Variants in CA5A observed in about 807,000 individuals in gnomAD.
The protein encoded by CA5A is carbonic anhydrase 5A, mitochondrial.
CA5A carries 28 observed loss-of-function variants against 37.1 expected under a neutral mutation model. The observed-to-expected ratio is 0.75, with a 90% CI of 0.56 to 1.03. The LOEUF (loss-of-function observed/expected upper bound fraction) is 1.03, where lower values mean the gene tolerates loss of function less well. Ranked by LOEUF, CA5A falls within the 50% of genes least tolerant of loss-of-function variation. The pLI is 0.00. For synonymous variants in CA5A, 171 were observed against 158.4 expected (o/e 1.08, Z -0.60); for missense variants, 444 against 399.9 (o/e 1.11, Z -0.94).
intron 2 of CA5A, among the ~76,000 whole-genome samples, chr16:87,919,770 G>C (rs899740581): frequency 5.3e-5 from 8 of 152,162 alleles, no homozygotes; most frequent in African/African-American, 1.9e-4. Context: ...GAGATCCCAG[G>C]CTGCATGGAC....
At chr16:87,887,955 C>T (rs574640090), downstream of CA5A, 6 of 950,872 alleles carry the variant, frequency 6.3e-6, no homozygotes, top group African/African-American at 1.7e-5. Flanking sequence ...TTATGTTCCC[C>T]ACGGTACTTA....
At chr16:87,934,978 G>C (rs2056452012) in intron 1 of CA5A, among the ~76,000 whole-genome samples, 1 of 152,242 alleles carries the variant, frequency 6.6e-6, no homozygotes, top group African/African-American at 2.4e-5. Flanking sequence ...AGCTCACTCA[G>C]AGTCTGGGGT....
chr16:87,890,405 G>T (rs1193533575), intron 6 of CA5A, among the ~76,000 whole-genome samples: 1 of 152,126 alleles, frequency 6.6e-6, no homozygotes, highest in African/African-American at 2.4e-5. Context: ...ACAGGCCCGG[G>T]AGACTGAAAG....
Position 87,904,895 on chromosome 16 carries a change from C to A in CA5A, c.350G>T (p.Gly117Val). The change falls in exon 3 of 7, where the codon GGT becomes GTT. Residue 117 changes from glycine (G) to valine (V), a missense_variant. Coordinates refer to ENST00000649794, the MANE Select transcript of CA5A (RefSeq NM_001739.2). ...TCTGTAGTGGTTTTCCAAGGGCCCA[C>A]CACTAATTCCTGGAAATAAAGGCAG... ...DDATEASGISGGPLENHYRLK... is the reference protein window; with the variant it reads ...DDATEASGISVGPLENHYRLK... 1 of 1,606,806 alleles carries A rather than the reference C, an allele frequency of 6.2e-7. No homozygotes were observed. The highest frequency in any genetic ancestry group is 8.5e-7 in the Non-Finnish European group (1 of 1,173,300).
chr16:87,897,672 G>A (rs1481175759), intron 5 of CA5A, among the ~76,000 whole-genome samples: 1 of 152,216 alleles, frequency 6.6e-6, no homozygotes, highest in Admixed American at 6.5e-5. Flanking sequence ...GGAGGTGGGC[G>A]CCAGGATGAC....
chr16:87,904,600 CT>C (rs1878358853), intron 3 of CA5A, among the ~76,000 whole-genome samples, 185 bp downstream of exon 3: 1 of 152,216 alleles, frequency 6.6e-6, no homozygotes, highest in Non-Finnish European at 1.5e-5. Flanking sequence ...CTTACAGCGC[CT>C]TCCTCGTAGG....
Position 87,911,933 on chromosome 16 carries a change from C to T in CA5A, c.341-7029G>A, listed in dbSNP as rs975730156. On this transcript the variant is annotated intron_variant, in intron 2 of 6. Transcript: ENST00000649794. This position sits in a 1 kb window ranked among gnomAD's most constrained non-coding sequence, Gnocchi z 4.6. ...CTTACAAAGTACCTCCCTCACAGTC[C>T]CTGGCACGCAGTGAGAGCTCAAATA... is the stretch of plus-strand genomic sequence containing the variant. 2.0e-5 allele frequency among the ~76,000 whole-genome samples: 3 copies of T among 152,268 alleles called. No homozygotes were observed. The highest frequency in any genetic ancestry group is 7.2e-5 in the African/African-American group (3 of 41,552).
chr16:87,906,380 C>T (rs186141632), intron 2 of CA5A, among the ~76,000 whole-genome samples: 21 of 152,322 alleles, frequency 1.4e-4, no homozygotes, highest in African/African-American at 4.8e-4. Context: ...GTACTCCTAG[C>T]GCTTTGGGAG....
At chr16:87,920,912 G>T (rs750467068) in intron 2 of CA5A, among the ~76,000 whole-genome samples, 1 of 152,172 alleles carries the variant, frequency 6.6e-6, no homozygotes, top group Non-Finnish European at 1.5e-5. Context: ...TCCTGCCTCA[G>T]CCTTCCAAGT....
At chr16:87,929,806 A>G (rs898492675) in intron 1 of CA5A, among the ~76,000 whole-genome samples, 3 of 126,096 alleles carry the variant, frequency 2.4e-5, no homozygotes, top group African/African-American at 6.0e-5. Flanking sequence ...CGGGAGGCGG[A>G]GCTTGCAGTG....
rs1392870793 is a variant in CA5A, at chr16:87,936,444, C to T, written c.7G>A (p.Gly3Arg). The T allele has an allele frequency of 1.9e-6, 3 of 1,613,816 alleles. No homozygotes were observed. In the South Asian group the frequency reaches 3.3e-5, roughly 18 times the overall value. Residue 3 changes from glycine to arginine, a missense_variant, in exon 1 of 7, where the codon GGG becomes AGG. Gly to Arg is a moderately radical substitution (Grantham distance 125, BLOSUM62 -2). Transcript: ENST00000649794. ML[G>R]RNTWKTSAFS... ...GCTGAGGTCTTCCAAGTGTTCCTCC[C>T]CAACATCTTGGGTCTGTTCCCACTG...
At chr16:87,885,945 T>G (rs2055644331), downstream of CA5A, 1 of 152,150 alleles carries the variant, frequency 6.6e-6, no homozygotes, top group Admixed American at 6.6e-5. Flanking sequence ...TTAAACAGTC[T>G]AGGCTCCGTC....
rs185158835 is a variant in CA5A, at chr16:87,911,962, G to A, written c.341-7058C>T. Among the ~76,000 whole-genome samples, 458 of 152,240 alleles carry A rather than the reference G, an allele frequency of 3.0e-3. 2 individuals carry two copies. Among genetic ancestry groups the A allele is most frequent in the African/African-American group, 0.011 (438 of 41,536 alleles). On this transcript the variant is annotated intron_variant, in intron 2 of 6. Coordinates refer to ENST00000649794, the MANE Select transcript of CA5A (RefSeq NM_001739.2). This position sits in a 1 kb window ranked among gnomAD's most constrained non-coding sequence, Gnocchi z 4.6. ...GCACGCAGTGAGAGCTCAAATAATG[G>A]TAGCCACTTACTATTATTATGACTG...
chr16:87,915,259 C>T (rs552102918), intron 2 of CA5A, among the ~76,000 whole-genome samples: 30 of 152,302 alleles, frequency 2.0e-4, no homozygotes, highest in African/African-American at 6.0e-4. Flanking sequence ...CTCAGAGTCA[C>T]GAAATTTCTA....
At chr16:87,905,013 G>A (rs1567522252) in intron 2 of CA5A, 109 bp from the exon 3 acceptor site, 1 of 735,636 alleles carries the variant, frequency 1.4e-6, no homozygotes, top group South Asian at 1.6e-5. Flanking sequence ...CTCGCAAGGG[G>A]TTGCTGTATG....
intron 2 of CA5A, among the ~76,000 whole-genome samples, chr16:87,925,911 G>C (rs904317150): frequency 3.3e-5 from 5 of 152,088 alleles, no homozygotes; most frequent in African/African-American, 9.7e-5. Context: ...CCTCACAGCA[G>C]CTGTGGGATG....
chr16:87,893,668 G>A (rs751842354), intron 5 of CA5A: 66 of 581,186 alleles, frequency 1.1e-4, no homozygotes, highest in Non-Finnish European at 2.0e-4. Flanking sequence ...GCCGAGGCTC[G>A]GGCTGGGTCA....
In CA5A at chr16:87,911,265, T is replaced by C. The variant is rs2056048218; in HGVS notation, c.341-6361A>G. 6.6e-6 allele frequency among the ~76,000 whole-genome samples: 1 copy of C among 151,984 alleles called. No individual in the cohort carries two copies. Among genetic ancestry groups the C allele is most frequent in the African/African-American group, 2.4e-5 (1 of 41,406 alleles). On this transcript the variant is annotated intron_variant, in intron 2 of 6. Coordinates refer to ENST00000649794, the MANE Select transcript of CA5A (RefSeq NM_001739.2). The surrounding 1 kb of genome is among the most constrained non-coding windows in gnomAD (Gnocchi z 4.6). ...AAGCAGGTGCGTCAGAACCGGCTCATGGAGATATAATTGAACGATTGCCTC... is the reference window on the plus strand; with the variant it reads ...AAGCAGGTGCGTCAGAACCGGCTCACGGAGATATAATTGAACGATTGCCTC...
intron 2 of CA5A, among the ~76,000 whole-genome samples, chr16:87,907,583 C>A (rs1481827552): frequency 2.0e-5 from 3 of 152,170 alleles, no homozygotes; most frequent in African/African-American, 4.8e-5. Flanking sequence ...TGGTAGATGC[C>A]ATTTGTAAGA....
Sources: allele counts gnomAD v4.1 joint callset (sites outside exome capture counted in the v4.1 genomes callset), GRCh38; gene constraint gnomAD v4.1.1; non-coding constraint Gnocchi (gnomAD v3.1); transcripts MANE v1.5; gene names NCBI Gene and HGNC (gene_info 2026-07-23, HGNC 2026-07-21).